BPIFA2: variants seen among roughly 807,000 people sequenced by gnomAD.
The protein encoded by BPIFA2 is BPI fold-containing family A member 2.
Under a neutral mutation model 25.7 loss-of-function variants are expected in BPIFA2, and 20 were observed. The ratio of observed to expected loss-of-function variants is 0.78; its 90% confidence interval spans 0.55 to 1.13. The LOEUF (loss-of-function observed/expected upper bound fraction) is 1.13. BPIFA2 is among the 50% of genes most tolerant of loss of function. BPIFA2 has a pLI of 0.00. For missense variants in BPIFA2, 300 were observed against 298.1 expected, an observed-to-expected ratio of 1.01 and a Z score of -0.05; for synonymous variants, 126 against 124.3, an observed-to-expected ratio of 1.01 and a Z score of -0.09.
At chr20:33,175,309 T>C in intron 4 of BPIFA2, 98 bp from the exon 5 acceptor site, 5 of 1,218,800 alleles carry the variant, frequency 4.1e-6, no homozygotes, top group Non-Finnish European at 4.7e-6. Flanking sequence ...ACATTACACA[T>C]AGACATTCTG....
At chr20:33,178,033 G>A (rs896851583) in intron 5 of BPIFA2, 114 bp from the exon 6 acceptor site, 1 of 665,396 alleles carries the variant, frequency 1.5e-6, no homozygotes, top group African/African-American at 1.8e-5. Flanking sequence ...GTGTCTCCAT[G>A]TCCCTGGGGT....
chr20:33,180,156 C>T (rs991238363), intron 7 of BPIFA2, among the ~76,000 whole-genome samples: 7 of 151,572 alleles, frequency 4.6e-5, no homozygotes, highest in African/African-American at 1.5e-4. Context: ...AGGCGGACAT[C>T]GCAGGTAGCC....
At chr20:33,177,211 C>T (rs917359130) in intron 5 of BPIFA2, among the ~76,000 whole-genome samples, 2 of 151,946 alleles carry the variant, frequency 1.3e-5, no homozygotes, top group Non-Finnish European at 2.9e-5. Flanking sequence ...AAAAATTAGC[C>T]GGGGGTGGTG....
Position 33,172,955 on chromosome 20 carries a change from G to C in BPIFA2, c.181G>C (p.Asp61His), listed in dbSNP as rs374774599. 1 of 1,612,654 alleles carries C rather than the reference G, an allele frequency of 6.2e-7. No individual in the cohort carries two copies. The change falls in exon 3 of 9, where the codon GAC (aspartate) becomes CAC (histidine). Residue 61 changes from aspartate to histidine, a missense_variant. Transcript: ENST00000354932. ...LKGILEKLKVDLGVLQKSSAW... is the reference protein window; with the variant it reads ...LKGILEKLKVHLGVLQKSSAW... Reference sequence around the variant, plus strand: ...AGGCATCCTTGAGAAACTGAAGGTCGACCTAGGAGTGCTTCAGAAATCCAG... The same window carrying C: ...AGGCATCCTTGAGAAACTGAAGGTCCACCTAGGAGTGCTTCAGAAATCCAG...
intron 2 of BPIFA2, among the ~76,000 whole-genome samples, chr20:33,172,592 C>T (rs1243263376): frequency 2.6e-5 from 4 of 152,074 alleles, no homozygotes; most frequent in Admixed American, 2.6e-4. Flanking sequence ...GCACAATGGA[C>T]CCCTAAGTCA....
chr20:33,180,462 G>A (rs371277521), intron 7 of BPIFA2, 58 bp from the exon 8 acceptor site: 1 of 1,559,190 alleles, frequency 6.4e-7, no homozygotes, highest in East Asian at 2.2e-5. Flanking sequence ...TTGGAGTCTG[G>A]TCTCTATTCA....
chr20:33,175,188 T>A (rs1482603080), intron 4 of BPIFA2, among the ~76,000 whole-genome samples: 1 of 152,194 alleles, frequency 6.6e-6, no homozygotes, highest in East Asian at 1.9e-4. Flanking sequence ...TAATGTTGTA[T>A]AAAAAATTCA....
chr20:33,163,769 C>G (rs1239645943), upstream of BPIFA2, among the ~76,000 whole-genome samples: 7 of 150,794 alleles, frequency 4.6e-5, no homozygotes, highest in Non-Finnish European at 1.0e-4. Flanking sequence ...TTGCGGTGAG[C>G]CGAGATGGAC....
At chr20:33,172,474 G>A (rs1230779822) in intron 2 of BPIFA2, among the ~76,000 whole-genome samples, 1 of 152,072 alleles carries the variant, frequency 6.6e-6, no homozygotes, top group Non-Finnish European at 1.5e-5. Context: ...TCGTTTTCCA[G>A]TTTCATGGAT....
At chr20:33,173,107 G>C in intron 3 of BPIFA2, 31 bp downstream of exon 3, 1 of 1,604,532 alleles carries the variant, frequency 6.2e-7, no homozygotes, top group Non-Finnish European at 8.5e-7. Context: ...GGAGATCTTT[G>C]CTCTAAGGAA....
chr20:33,172,573 T>C (rs957499672), intron 2 of BPIFA2, among the ~76,000 whole-genome samples: 10 of 152,136 alleles, frequency 6.6e-5, no homozygotes, highest in African/African-American at 9.7e-5. Flanking sequence ...CACGTGAGCA[T>C]CTCACTTAGC....
At chr20:33,164,771 G>A (rs1035062035), upstream of BPIFA2, among the ~76,000 whole-genome samples, 5 of 152,058 alleles carry the variant, frequency 3.3e-5, no homozygotes, top group South Asian at 2.1e-4. Context: ...CTGGGGGAAC[G>A]AAGGTGAACG....
intron 3 of BPIFA2, among the ~76,000 whole-genome samples, 148 bp from the exon 4 acceptor site, chr20:33,173,922 AAATACAGAG>A (rs1379096857): frequency 1.3e-5 from 2 of 152,178 alleles, no homozygotes; most frequent in African/African-American, 4.8e-5. Context: ...CTGTGCCATA[AAATACAGAG>A]AATCAAACCT....
In BPIFA2 at chr20:33,180,581, C is replaced by T. The variant is rs147944008; in HGVS notation, c.*21C>T. ...TCTGAAGAGGACGAATGAGGAGGAC[C>T]ACTGTGGTGCATGCTGGTGAGGAGC... On this transcript the variant is annotated 3_prime_UTR_variant, in exon 8 of 9. Transcript: ENST00000354932. 6.2e-7 allele frequency: 1 copy of T among 1,607,388 alleles called. No homozygotes were observed. Among genetic ancestry groups the T allele is most frequent in the African/African-American group, 1.3e-5 (1 of 74,840 alleles).
intron 6 of BPIFA2, among the ~76,000 whole-genome samples, chr20:33,178,903 G>A (rs889208475): frequency 1.3e-5 from 2 of 152,146 alleles, no homozygotes; most frequent in Admixed American, 6.5e-5. Flanking sequence ...CAATCTGCGG[G>A]GAACTGTGTA....
chr20:33,180,239 AAG>A (rs1984230229), intron 7 of BPIFA2, among the ~76,000 whole-genome samples: 1 of 151,562 alleles, frequency 6.6e-6, no homozygotes, highest in African/African-American at 2.4e-5. Flanking sequence ...AAAAAAAAAG[AAG>A]AAGAAGAAAG....
At chr20:33,171,812 T>C (rs1983906134) in intron 2 of BPIFA2, among the ~76,000 whole-genome samples, 1 of 152,174 alleles carries the variant, frequency 6.6e-6, no homozygotes, top group Admixed American at 6.5e-5. Context: ...AGTTCAACCA[T>C]TGAGGAAGAC....
chr20:33,179,910 C>T (rs1275022221), intron 7 of BPIFA2, among the ~76,000 whole-genome samples: 1 of 152,106 alleles, frequency 6.6e-6, no homozygotes. Flanking sequence ...CTGGAGGTGA[C>T]CCTTCTATGA....
chr20:33,168,496 A>G (rs1983792342), intron 1 of BPIFA2, among the ~76,000 whole-genome samples: 1 of 152,200 alleles, frequency 6.6e-6, no homozygotes, highest in Non-Finnish European at 1.5e-5. Context: ...TTATATTAAA[A>G]TAAGTGTCAA....
Sources: gnomAD v4.1 joint callset for allele counts (sites outside exome capture counted in the v4.1 genomes callset) on GRCh38, gnomAD v4.1.1 for gene constraint, MANE v1.5 for transcripts, NCBI Gene and HGNC (gene_info 2026-07-23, HGNC 2026-07-21) for gene names.